CAMK4: variants seen among roughly 807,000 people sequenced by gnomAD.
CAMK4 encodes calcium/calmodulin dependent protein kinase IV, also known as calcium/calmodulin-dependent protein kinase type IV.
In CAMK4, 22 loss-of-function variants were observed where a neutral mutation model predicts 44.9. The ratio of observed to expected loss-of-function variants is 0.49; its 90% CI spans 0.35 to 0.70. The LOEUF is 0.70. Ranked by LOEUF, CAMK4 falls within the 30% of genes least tolerant of loss-of-function variation. The pLI, the probability that CAMK4 is intolerant of heterozygous loss-of-function variation, is 0.01. For missense variants in CAMK4, 498 were observed against 586.8 expected, an observed-to-expected ratio of 0.85 and a Z score of 1.56; for synonymous variants, 218 against 215.4, an observed-to-expected ratio of 1.01 and a Z score of -0.11.
At chr5:111,387,921 G>A (rs1751663113) in intron 4 of CAMK4, among the ~76,000 whole-genome samples, 1 of 152,172 alleles carries the variant, frequency 6.6e-6, no homozygotes, top group Non-Finnish European at 1.5e-5. Context: ...ATCTTCACTT[G>A]CAGTCATAGT....
At position 111,473,435 on chromosome 5, in the gene CAMK4, C is replaced by T; in HGVS notation, c.701+49C>T. On this transcript the variant is annotated intron_variant, in intron 8 of 10. Coordinates refer to ENST00000282356, the MANE Select transcript of CAMK4 (RefSeq NM_001744.6). ...ATGTAAACTATTTACCTTGCTGTGA[C>T]ATTTTCTAGATACCTCTAATGCTCA... The T allele has an allele frequency of 4.2e-6, 5 of 1,198,488 alleles. No homozygotes were observed. The Middle Eastern group carries it at 5.7e-4, about 137-fold the overall frequency. The allele number at this position is 1,198,488 out of a possible 1,614,324, so 74.2% of individuals were successfully genotyped here. A position where few individuals can be genotyped will look rare whatever the true frequency, so the allele number is the denominator to read the frequency against.
chr5:111,418,869 T>A (rs995196910), intron 5 of CAMK4, among the ~76,000 whole-genome samples: 4 of 152,202 alleles, frequency 2.6e-5, no homozygotes, highest in Admixed American at 2.0e-4. Context: ...TGGTTCCAAG[T>A]CTTTGCTATT....
At position 111,224,614 on chromosome 5, in the gene CAMK4, A is replaced by G. The variant is rs760624102; in HGVS notation, c.131A>G (p.Asp44Gly). 3 of 1,611,000 alleles carry G rather than the reference A, an allele frequency of 1.9e-6. No individual in the cohort carries two copies. The highest frequency in any genetic ancestry group is 1.3e-5 in the African/African-American group (1 of 74,720). ...GGCTCCAACAGGGATGCGCTGAGCGATTTCTTCGAGGTGGAGTCGGAGCTG... is the reference window on the plus strand; with the variant it reads ...GGCTCCAACAGGGATGCGCTGAGCGGTTTCTTCGAGGTGGAGTCGGAGCTG... ...IDGSNRDALS[D>G]FFEVESELGR... is the part of the protein sequence containing the mutation. Residue 44 changes from aspartate to glycine, a missense_variant, in exon 1 of 11, where the codon GAT (aspartate) becomes GGT (glycine). Physicochemically the swap from Asp to Gly is moderately conservative, Grantham distance 94. Coordinates refer to ENST00000282356, the MANE Select transcript of CAMK4 (RefSeq NM_001744.6). This position sits in a 1 kb window ranked among gnomAD's most constrained non-coding sequence, Gnocchi z 5.7.
chr5:111,329,003 G>A (rs1272031613), intron 1 of CAMK4, among the ~76,000 whole-genome samples: 1 of 151,910 alleles, frequency 6.6e-6, no homozygotes, highest in Non-Finnish European at 1.5e-5. Flanking sequence ...ACCGAATGCA[G>A]CAGCACATCA....
chr5:111,418,914 T>A (rs1291578784), intron 5 of CAMK4, among the ~76,000 whole-genome samples: 1 of 152,180 alleles, frequency 6.6e-6, no homozygotes, highest in Non-Finnish European at 1.5e-5. Flanking sequence ...TGTGTGCATG[T>A]GTCTTTATAG....
chr5:111,450,746 C>T (rs892050287), intron 7 of CAMK4, among the ~76,000 whole-genome samples: 1 of 151,084 alleles, frequency 6.6e-6, no homozygotes, highest in Admixed American at 6.6e-5. Flanking sequence ...CAAGATTGCA[C>T]CATTGCACTC....
intron 7 of CAMK4, among the ~76,000 whole-genome samples, chr5:111,464,397 A>G (rs73789603): frequency 0.012 from 1,756 of 152,310 alleles, 31 homozygotes; most frequent in African/African-American, 0.039. Flanking sequence ...AAATCTAAAA[A>G]TGTGGAAAAC....
At chr5:111,239,244 T>G (rs1748881511) in intron 1 of CAMK4, among the ~76,000 whole-genome samples, 1 of 152,162 alleles carries the variant, frequency 6.6e-6, no homozygotes, top group South Asian at 2.1e-4. Context: ...TCTCAAACCT[T>G]GAAAAACCTA....
At chr5:111,422,274 T>C (rs1050121149) in intron 5 of CAMK4, among the ~76,000 whole-genome samples, 5 of 152,246 alleles carry the variant, frequency 3.3e-5, no homozygotes, top group African/African-American at 1.2e-4. Context: ...AAGAATGCCT[T>C]CTTTATACTT....
chr5:111,449,393 T>A (rs1249263917), intron 7 of CAMK4, among the ~76,000 whole-genome samples, 190 bp downstream of exon 7: 1 of 152,148 alleles, frequency 6.6e-6, no homozygotes. Flanking sequence ...GGTTCAAGGA[T>A]GTTGGTTTTA....
intron 1 of CAMK4, among the ~76,000 whole-genome samples, chr5:111,275,404 T>C (rs1368875177): frequency 6.6e-6 from 1 of 152,124 alleles, no homozygotes; most frequent in Non-Finnish European, 1.5e-5. Flanking sequence ...ATTTAAAAAA[T>C]TACAATGCAT....
intron 1 of CAMK4, among the ~76,000 whole-genome samples, chr5:111,326,560 AT>A (rs1748895293): frequency 7.9e-5 from 12 of 151,778 alleles, no homozygotes; most frequent in Admixed American, 6.6e-4. Flanking sequence ...TTTGCAGAAA[AT>A]TAAAAAAAAA....
chr5:111,289,303 G>A (rs779603052), intron 1 of CAMK4, among the ~76,000 whole-genome samples: 55 of 152,284 alleles, frequency 3.6e-4, no homozygotes, highest in Non-Finnish European at 7.1e-4. Flanking sequence ...CAGAGATTGC[G>A]CCATTGCACT....
At chr5:111,361,974 A>G (rs1319673880) in intron 2 of CAMK4, among the ~76,000 whole-genome samples, 4 of 152,044 alleles carry the variant, frequency 2.6e-5, no homozygotes, top group Non-Finnish European at 5.9e-5. Flanking sequence ...TAAATTTAGT[A>G]TGCTGCAATT....
intron 1 of CAMK4, among the ~76,000 whole-genome samples, chr5:111,289,844 C>T (rs1334367889): frequency 2.0e-5 from 3 of 152,344 alleles, no homozygotes; most frequent in South Asian, 2.1e-4. Flanking sequence ...AGCAGAAATG[C>T]TAGCTCTCAG....
At chr5:111,415,909 G>A (rs1226917256) in intron 5 of CAMK4, among the ~76,000 whole-genome samples, 1 of 152,172 alleles carries the variant, frequency 6.6e-6, no homozygotes, top group Non-Finnish European at 1.5e-5. Context: ...GTTATTATAA[G>A]TAATCTACAG....
At chr5:111,273,299 A>G (rs1750592315) in intron 1 of CAMK4, among the ~76,000 whole-genome samples, 1 of 152,084 alleles carries the variant, frequency 6.6e-6, no homozygotes, top group South Asian at 2.1e-4. Context: ...AAATGCATAA[A>G]TATATATAAG....
chr5:111,281,084 G>C lies in CAMK4; in HGVS notation c.161+56440G>C, dbSNP rs140659359. 3.6e-3 allele frequency among the ~76,000 whole-genome samples: 544 copies of C among 152,314 alleles called. 3 individuals carry two copies. The highest frequency in any genetic ancestry group is 0.012 in the African/African-American group (507 of 41,568). ...ATATTGCCAAATCAAGTTGTGGAAA[G>C]TTCTATTTCTCTGTTTTCTATAACA... On this transcript the variant is annotated intron_variant, in intron 1 of 10. Coordinates refer to ENST00000282356, the MANE Select transcript of CAMK4 (RefSeq NM_001744.6).
At chr5:111,435,879 A>G (rs1243901078) in intron 5 of CAMK4, among the ~76,000 whole-genome samples, 2 of 152,168 alleles carry the variant, frequency 1.3e-5, no homozygotes. Context: ...TAATCTCAAC[A>G]TCTTCTCAGT....
Sources: gnomAD v4.1 joint callset for allele counts (sites outside exome capture counted in the v4.1 genomes callset) on GRCh38, gnomAD v4.1.1 for gene constraint, Gnocchi (gnomAD v3.1) non-coding constraint, MANE v1.5 for transcripts, NCBI Gene and HGNC (gene_info 2026-07-23, HGNC 2026-07-21) for gene names.